TENT2: variants seen among roughly 807,000 people sequenced by gnomAD.
TENT2 encodes terminal nucleotidyltransferase 2.
A neutral mutation model predicts 72.2 loss-of-function variants in TENT2; 44 were observed. The observed-to-expected ratio is 0.61, with a 90% CI of 0.48 to 0.78. TENT2 has a LOEUF of 0.78. Ranked by LOEUF, TENT2 falls within the 30% of genes least tolerant of loss-of-function variation. TENT2 has a pLI of 0.00. For missense variants in TENT2, 541 were observed against 569.6 expected (o/e 0.95, Z 0.51); for synonymous variants, 212 against 192.5 (o/e 1.10, Z -0.84).
At chr5:79,644,202 G>A (rs1353585022) in intron 7 of TENT2, among the ~76,000 whole-genome samples, 1 of 151,970 alleles carries the variant, frequency 6.6e-6, no homozygotes, top group African/African-American at 2.4e-5. Context: ...GGCTGGTCTT[G>A]AACTCCTGGC....
intron 4 of TENT2, among the ~76,000 whole-genome samples, chr5:79,629,932 G>A (rs111473181): frequency 8.7e-5 from 13 of 149,828 alleles, no homozygotes; most frequent in African/African-American, 2.5e-4. Flanking sequence ...TCAGGAGTTC[G>A]AGACCAGCCT....
At chr5:79,683,949 A>G (rs868199062) in intron 14 of TENT2, among the ~76,000 whole-genome samples, 38 of 148,952 alleles carry the variant, frequency 2.6e-4, no homozygotes, top group Middle Eastern at 3.5e-3. Context: ...AAAAAAAAAA[A>G]AAAGAAATTC....
At chr5:79,642,768 T>G in intron 6 of TENT2, 64 bp from the exon 7 acceptor site, 1 of 1,309,966 alleles carries the variant, frequency 7.6e-7, no homozygotes, top group Non-Finnish European at 1.1e-6. Flanking sequence ...TTGAGATACT[T>G]TAGGAAAATG....
chr5:79,638,791 A>G (rs1226509204), intron 4 of TENT2, among the ~76,000 whole-genome samples: 1 of 151,968 alleles, frequency 6.6e-6, no homozygotes, highest in Non-Finnish European at 1.5e-5. Flanking sequence ...TTGTGGCCAC[A>G]TTTTGGTTTG....
intron 6 of TENT2, among the ~76,000 whole-genome samples, 156 bp from the exon 7 acceptor site, chr5:79,642,676 T>C (rs1785392063): frequency 6.6e-6 from 1 of 152,120 alleles, no homozygotes; most frequent in South Asian, 2.1e-4. Flanking sequence ...TTTTCTGTTA[T>C]TTAGAAAAAT....
chr5:79,655,673 T>C (rs1797417083), intron 10 of TENT2, among the ~76,000 whole-genome samples: 1 of 151,928 alleles, frequency 6.6e-6, no homozygotes, highest in South Asian at 2.1e-4. Context: ...TGTTGAGTAT[T>C]TGAATGCCTC....
chr5:79,655,103 A>G (rs1796972307), intron 10 of TENT2, among the ~76,000 whole-genome samples: 1 of 152,198 alleles, frequency 6.6e-6, no homozygotes. Context: ...TGTTATAGTC[A>G]GATTTTTCCA....
chr5:79,614,938 A>G (rs1758399269), intron 1 of TENT2: 2 of 152,334 alleles, frequency 1.3e-5, no homozygotes, highest in South Asian at 4.1e-4. Context: ...GTCTTTCAGA[A>G]TACCTATATT....
intron 4 of TENT2, 100 bp downstream of exon 4, chr5:79,623,589 T>G: frequency 1.3e-6 from 1 of 785,900 alleles, no homozygotes; most frequent in Non-Finnish European, 1.9e-6. Flanking sequence ...AGAACGTGCC[T>G]TTTTTTGTTG....
chr5:79,641,269 T>C, intron 6 of TENT2, 73 bp downstream of exon 6: 2 of 1,325,442 alleles, frequency 1.5e-6, no homozygotes, highest in Non-Finnish European at 2.1e-6. Context: ...TAAAAGTCAT[T>C]GAGGGAAAAA....
At chr5:79,639,652 A>G (rs891967347) in intron 4 of TENT2, among the ~76,000 whole-genome samples, 1 of 152,132 alleles carries the variant, frequency 6.6e-6, no homozygotes, top group Non-Finnish European at 1.5e-5. Context: ...CTTGGGAGAA[A>G]ATGGAGGATT....
chr5:79,648,981 G>T, intron 9 of TENT2, 81 bp from the exon 10 acceptor site: 1 of 1,430,064 alleles, frequency 7.0e-7, no homozygotes, highest in Non-Finnish European at 9.6e-7. Flanking sequence ...TCTTTGTTTT[G>T]GTATGGAGCT....
chr5:79,619,475 TA>T, intron 1 of TENT2, 136 bp from the exon 2 acceptor site: 1 of 533,226 alleles, frequency 1.9e-6, no homozygotes, highest in African/African-American at 1.9e-5. Flanking sequence ...CAGTGGCACT[TA>T]GGAGACCTAT....
chr5:79,620,572 T>A (rs1763963286), intron 3 of TENT2: 1 of 152,810 alleles, frequency 6.5e-6, no homozygotes, highest in Non-Finnish European at 1.5e-5. Flanking sequence ...TGTAGATGGC[T>A]GCTTTGTCAC....
intron 4 of TENT2, among the ~76,000 whole-genome samples, chr5:79,625,153 A>G (rs1768450666): frequency 6.6e-6 from 1 of 152,166 alleles, no homozygotes; most frequent in African/African-American, 2.4e-5. Context: ...ATGCCTAATG[A>G]TATTGAGCAT....
chr5:79,613,287 A>G (rs1012997859), intron 1 of TENT2, among the ~76,000 whole-genome samples: 4 of 152,294 alleles, frequency 2.6e-5, no homozygotes, highest in Non-Finnish European at 5.9e-5. Flanking sequence ...AAACTTATGG[A>G]TTCTCTAAAT....
chr5:79,680,044 TA>T (rs1280465439), intron 13 of TENT2, among the ~76,000 whole-genome samples: 5 of 152,182 alleles, frequency 3.3e-5, no homozygotes, highest in African/African-American at 1.2e-4. Context: ...GGACTTTTAT[TA>T]ATAGAAATTG....
At chr5:79,656,050 A>G (rs1797720256) in intron 10 of TENT2, among the ~76,000 whole-genome samples, 1 of 151,966 alleles carries the variant, frequency 6.6e-6, no homozygotes, top group South Asian at 2.1e-4. Flanking sequence ...TATTGAGTTT[A>G]TGTAGTTGTT....
At position 79,620,197 on chromosome 5, in the gene TENT2, G is replaced by A. The variant is rs371396598; in HGVS notation, c.227+114G>A. ...CTAAGCCCTATGTTTTGTTTTCTGG[G>A]ACCTGTACGATCAGATGAGTCATGG... On this transcript the variant is annotated intron_variant, in intron 3 of 14. Coordinates refer to ENST00000453514, the MANE Select transcript of TENT2 (RefSeq NM_001114394.3). 1.1e-5 allele frequency: 7 copies of A among 638,208 alleles called. No individual in the cohort carries two copies. In the South Asian group the frequency reaches 1.9e-4, roughly 17 times the overall value. The allele number at this position is 638,208 out of a possible 1,614,324, so 39.5% of individuals were successfully genotyped here.
Sources: allele counts gnomAD v4.1 joint callset (sites outside exome capture counted in the v4.1 genomes callset), GRCh38; gene constraint gnomAD v4.1.1; transcripts MANE v1.5; gene names NCBI Gene and HGNC (gene_info 2026-07-23, HGNC 2026-07-21).